Variants in SMIM5 observed in about 807,000 individuals in gnomAD.
The protein encoded by SMIM5 is chromosome 17 open reading frame 109.
SMIM5 carries 4 observed loss-of-function variants against 4.0 expected under a neutral mutation model. The observed-to-expected ratio is 1.01, with a 90% CI of 0.50 to 2.30. The LOEUF is 2.30. Ranked by LOEUF, SMIM5 falls within the 30% of genes most tolerant of loss-of-function variation. SMIM5 has a pLI of 0.02. For synonymous variants in SMIM5, 46 were observed against 43.6 expected (o/e 1.05, Z -0.22); for missense variants, 107 against 99.2 (o/e 1.08, Z -0.34).
At position 75,640,402 on chromosome 17, in the gene SMIM5, GGGCTGGCAGAGGT is replaced by G; in HGVS notation, c.127+78_127+90del. ...AGACCACACCATGGTGCCAGCCAGAGGGCTGGCAGAGGTGGCGGGTGTCTGCCGGATCAAGGAG... is the reference window on the plus strand; with the variant it reads ...AGACCACACCATGGTGCCAGCCAGAGGGCGGGTGTCTGCCGGATCAAGGAG... On this transcript the variant is annotated intron_variant, in intron 2 of 2. Coordinates refer to ENST00000375215, the MANE Select transcript of SMIM5 (RefSeq NM_001162995.3). The surrounding 1 kb of genome is among the most constrained non-coding windows in gnomAD (Gnocchi z 4.6). 1 of 1,456,356 alleles carries G rather than the reference GGGCTGGCAGAGGT, an allele frequency of 6.9e-7. No individual in the cohort carries two copies. Among genetic ancestry groups the G allele is most frequent in the Non-Finnish European group, 9.1e-7 (1 of 1,100,068 alleles). 90.2% of individuals were successfully genotyped at this position (1,456,356 alleles called of 1,614,324 possible).
rs547548945 is a variant in SMIM5 at position 75,635,593 on chromosome 17, C to A, written c.-37+1391C>A. Reference sequence around the variant, plus strand: ...TTGGAGCCAGGGCAAAAAGGGGAGTCACCCAAAGGCTCAGTGCCACAAATA... The same window carrying A: ...TTGGAGCCAGGGCAAAAAGGGGAGTAACCCAAAGGCTCAGTGCCACAAATA... On this transcript the variant is annotated intron_variant, in intron 1 of 2. Transcript: ENST00000375215. Among the ~76,000 whole-genome samples, 8 of 152,304 alleles carry A rather than the reference C, an allele frequency of 5.3e-5. No individual in the cohort carries two copies. In the East Asian group the frequency reaches 1.5e-3, roughly 29 times the overall value.
Position 75,640,378 on chromosome 17 carries a change from G to T in SMIM5, c.127+50G>T. The T allele has an allele frequency of 6.7e-7, 1 of 1,487,094 alleles. No homozygotes were observed. Among genetic ancestry groups the T allele is most frequent in the South Asian group, 1.3e-5 (1 of 75,052 alleles). 92.1% of individuals were successfully genotyped at this position (1,487,094 alleles called of 1,614,324 possible). A position where few individuals can be genotyped will look rare whatever the true frequency, so the allele number is the denominator to read the frequency against. On this transcript the variant is annotated intron_variant, in intron 2 of 2. Transcript: ENST00000375215. This position sits in a 1 kb window ranked among gnomAD's most constrained non-coding sequence, Gnocchi z 4.6. ...ATGGCTCTCCCTGGCATCTGGGAGAGACCACACCATGGTGCCAGCCAGAGG... is the reference window on the plus strand; with the variant it reads ...ATGGCTCTCCCTGGCATCTGGGAGATACCACACCATGGTGCCAGCCAGAGG...
intron 1 of SMIM5, chr17:75,638,955 T>G (rs549656051): frequency 1.3e-5 from 2 of 152,414 alleles, no homozygotes; most frequent in South Asian, 4.1e-4. Context: ...TGGGACTAAC[T>G]GGGGGCCAGC....
In SMIM5 at chr17:75,633,596, G is replaced by A; in HGVS notation, c.-643G>A. The A allele has an allele frequency of 1.6e-6, 2 of 1,225,902 alleles. No homozygotes were observed. The highest frequency in any genetic ancestry group is 2.8e-5 in the South Asian group (2 of 71,760). The allele number at this position is 1,225,902 out of a possible 1,614,324, so 75.9% of individuals were successfully genotyped here. A position where few individuals can be genotyped will look rare whatever the true frequency, so the allele number is the denominator to read the frequency against. On this transcript the variant is annotated 5_prime_UTR_variant, in exon 1 of 3. Coordinates refer to ENST00000375215, the MANE Select transcript of SMIM5 (RefSeq NM_001162995.3). ...CCAGGGACTGGTTGCAAAGCCTCCT[G>A]CTCAGCTTGAGAGGGCCACCAGCTC...
At position 75,640,869 on chromosome 17, in the gene SMIM5, A is replaced by C; in HGVS notation, c.206A>C (p.Lys69Thr). ...TGCTGCCCTGAGCGGAGAGGCAGGA[A>C]GGTCCAGGTGCAGCCGACACCACCA... Reference protein sequence around the residue: ...HCCCPERRGRKVQVQPTPP With the variant: ...HCCCPERRGRTVQVQPTPP Residue 69 changes from lysine (K) to threonine (T), a missense_variant, in exon 3 of 3, where the codon AAG (lysine) becomes ACG (threonine). Coordinates refer to ENST00000375215, the MANE Select transcript of SMIM5 (RefSeq NM_001162995.3). This position sits in a 1 kb window ranked among gnomAD's most constrained non-coding sequence, Gnocchi z 4.6. The C allele has an allele frequency of 6.5e-7, 1 of 1,547,568 alleles. No homozygotes were observed. The highest frequency in any genetic ancestry group is 8.7e-7 in the Non-Finnish European group (1 of 1,146,950).
intron 1 of SMIM5, 107 bp downstream of exon 1, chr17:75,634,309 C>T (rs191240663): frequency 1.4e-4 from 134 of 963,390 alleles, no homozygotes; most frequent in Admixed American, 3.1e-4. Context: ...GAGAGGTCTT[C>T]GGGGACATGC....
chr17:75,635,357 C>A (rs2059300277), intron 1 of SMIM5, among the ~76,000 whole-genome samples: 1 of 152,138 alleles, frequency 6.6e-6, no homozygotes, highest in Admixed American at 6.5e-5. Context: ...AGGTGGGGAT[C>A]CCTGTCCTGC....
chr17:75,641,020 C>A lies in SMIM5; in HGVS notation c.*123C>A. ...GGCTCCCCTGGCCCCAGCTCTGGCC[C>A]AGCCCAGGTACCTGGACACTGACAA... is the stretch of plus-strand genomic sequence containing the variant. On this transcript the variant is annotated 3_prime_UTR_variant, in exon 3 of 3. Coordinates refer to ENST00000375215, the MANE Select transcript of SMIM5 (RefSeq NM_001162995.3). 1 of 1,457,636 alleles carries A rather than the reference C, an allele frequency of 6.9e-7. No homozygotes were observed. Among genetic ancestry groups the A allele is most frequent in the Admixed American group, 2.2e-5 (1 of 44,606 alleles). The allele number at this position is 1,457,636 out of a possible 1,614,324, so 90.3% of individuals were successfully genotyped here.
At chr17:75,635,721 A>C (rs1033341235) in intron 1 of SMIM5, 45 of 879,256 alleles carry the variant, frequency 5.1e-5, no homozygotes, top group Middle Eastern at 1.2e-3. Flanking sequence ...AATGCCCAAC[A>C]GGGCAAGGGT....
At chr17:75,635,410 C>T (rs2059301809) in intron 1 of SMIM5, among the ~76,000 whole-genome samples, 1 of 152,186 alleles carries the variant, frequency 6.6e-6, no homozygotes, top group South Asian at 2.1e-4. Flanking sequence ...AACACAGTCC[C>T]TGAACCAGGA....
At chr17:75,634,395 C>T (rs921649688) in intron 1 of SMIM5, among the ~76,000 whole-genome samples, 193 bp downstream of exon 1, 1 of 152,236 alleles carries the variant, frequency 6.6e-6, no homozygotes, top group Admixed American at 6.5e-5. Flanking sequence ...GGACCCTGCA[C>T]TAGGGGAGGG....
chr17:75,641,005 G>A lies in SMIM5; in HGVS notation c.*108G>A. ...TACCCCTCAAGACCAGGCTCCCCTG[G>A]CCCCAGCTCTGGCCCAGCCCAGGTA... On this transcript the variant is annotated 3_prime_UTR_variant, in exon 3 of 3. Coordinates refer to ENST00000375215, the MANE Select transcript of SMIM5 (RefSeq NM_001162995.3). 1.4e-6 allele frequency: 2 copies of A among 1,479,724 alleles called. No homozygotes were observed. Among genetic ancestry groups the A allele is most frequent in the African/African-American group, 1.4e-5 (1 of 72,122 alleles). The allele number at this position is 1,479,724 out of a possible 1,614,324, so 91.7% of individuals were successfully genotyped here.
intron 1 of SMIM5, chr17:75,635,928 C>T: frequency 1.1e-6 from 1 of 913,516 alleles, no homozygotes; most frequent in South Asian, 5.0e-5. Context: ...AGCTGTCTGG[C>T]CTGCGGGATG....
intron 1 of SMIM5, among the ~76,000 whole-genome samples, chr17:75,634,896 C>T (rs761108046): frequency 4.6e-5 from 7 of 152,202 alleles, no homozygotes; most frequent in African/African-American, 1.7e-4. Flanking sequence ...CGCTGGCAAC[C>T]GGGACCTCTG....
At chr17:75,635,807 G>A (rs1352304020) in intron 1 of SMIM5, 5 of 985,342 alleles carry the variant, frequency 5.1e-6, no homozygotes, top group South Asian at 4.7e-5. Context: ...AACACACCTC[G>A]CTTATCAGTC....
chr17:75,635,670 G>T, intron 1 of SMIM5: 1 of 485,700 alleles, frequency 2.1e-6, no homozygotes, highest in Non-Finnish European at 2.7e-6. Context: ...TCTCCCACAA[G>T]TGTCAGTTAT....
Position 75,640,110 on chromosome 17 carries a change from T to C in SMIM5, c.-36-56T>C. On this transcript the variant is annotated intron_variant, in intron 1 of 2. Coordinates refer to ENST00000375215, the MANE Select transcript of SMIM5 (RefSeq NM_001162995.3). The surrounding 1 kb of genome is among the most constrained non-coding windows in gnomAD (Gnocchi z 4.6). ...GGGTGCGAGGGTGGAATCTCGGTGC[T>C]GCGACGAGTGTGGGGCCAGCCGTGG... The C allele has an allele frequency of 7.0e-7, 1 of 1,436,828 alleles. No homozygotes were observed. Among genetic ancestry groups the C allele is most frequent in the Non-Finnish European group, 9.1e-7 (1 of 1,096,210 alleles). The allele number at this position is 1,436,828 out of a possible 1,614,324, so 89.0% of individuals were successfully genotyped here.
chr17:75,639,207 A>G (rs1305407895), intron 1 of SMIM5: 1 of 152,322 alleles, frequency 6.6e-6, no homozygotes, highest in African/African-American at 2.4e-5. Context: ...GACCTGGGAC[A>G]AGGCAACGAT....
At chr17:75,635,098 G>A (rs2059294137) in intron 1 of SMIM5, among the ~76,000 whole-genome samples, 1 of 152,200 alleles carries the variant, frequency 6.6e-6, no homozygotes, top group Non-Finnish European at 1.5e-5. Context: ...TTTCCTCAAA[G>A]CAAACAAGCT....
Sources: allele counts gnomAD v4.1 joint callset (sites outside exome capture counted in the v4.1 genomes callset), GRCh38; gene constraint gnomAD v4.1.1; non-coding constraint Gnocchi (gnomAD v3.1); transcripts MANE v1.5; gene names NCBI Gene and HGNC (gene_info 2026-07-23, HGNC 2026-07-21).